The following ERG variants were observed in gnomAD, a reference collection of about 807,000 sequenced individuals.
The protein encoded by ERG is transcriptional regulator ERG.
Under a neutral mutation model 55.3 loss-of-function variants are expected in ERG, and 9 were observed. The ratio of observed to expected loss-of-function variants is 0.16; its 90% CI spans 0.10 to 0.28. The LOEUF is 0.28. ERG is among the 10% of genes least tolerant of loss of function. The probability of loss-of-function intolerance (pLI) is 1.00; values close to 1 mark genes in which losing one functional copy is unlikely to be tolerated. For missense variants in ERG, 434 were observed against 631.6 expected, an observed-to-expected ratio of 0.69 and a Z score of 3.35; for synonymous variants, 223 against 237.3, an observed-to-expected ratio of 0.94 and a Z score of 0.55.
chr21:38,450,979 G>A (rs2058936160), intron 1 of ERG: 2 of 445,028 alleles, frequency 4.5e-6, no homozygotes, highest in Admixed American at 4.9e-5. Context: ...CAGGGTTTGT[G>A]TCTGTGAATG....
At chr21:38,577,990 T>G (rs2060005269) in intron 1 of ERG, among the ~76,000 whole-genome samples, 1 of 152,100 alleles carries the variant, frequency 6.6e-6, no homozygotes, top group South Asian at 2.1e-4. Context: ...TTTATGGAAG[T>G]GGGAGCTTCC....
At chr21:38,469,002 G>A (rs58464065) in intron 1 of ERG, among the ~76,000 whole-genome samples, 12,125 of 60,134 alleles carry the variant, frequency 0.2, 883 homozygotes, top group Non-Finnish European at 0.32. Flanking sequence ...AAAAAAAAAA[G>A]AAAAAAAAAA....
intron 1 of ERG, among the ~76,000 whole-genome samples, chr21:38,630,067 A>C (rs538241617): frequency 1.3e-5 from 2 of 152,158 alleles, no homozygotes; most frequent in African/African-American, 4.8e-5. Context: ...GTTCACAGGG[A>C]CAGAAAGGAG....
upstream of ERG, among the ~76,000 whole-genome samples, chr21:38,586,042 T>C (rs1201486395): frequency 5.9e-5 from 9 of 151,998 alleles, no homozygotes; most frequent in East Asian, 1.5e-3. Context: ...TGGTTAACAG[T>C]CATGGTCTTT....
chr21:38,373,298 T>A, the ERG span, among the ~76,000 whole-genome samples: 1 of 152,248 alleles, frequency 6.6e-6, no homozygotes, highest in African/African-American at 2.4e-5. Context: ...GCTACTCTTC[T>A]TATTGTTTCC....
In ERG at chr21:38,397,490, C is replaced by A. The variant is rs149197414; in HGVS notation, c.745+3084G>T. Reference sequence around the variant, plus strand: ...GCATGCGCCTGTAGCCCCAGCTACTCGGGAGGCTGAGGCAGAAGAATCACT... The same window carrying A: ...GCATGCGCCTGTAGCCCCAGCTACTAGGGAGGCTGAGGCAGAAGAATCACT... On this transcript the variant is annotated intron_variant, in intron 6 of 9. Transcript: ENST00000288319. 6.2e-3 allele frequency among the ~76,000 whole-genome samples: 919 copies of A among 147,432 alleles called. 11 individuals carry two copies. Among genetic ancestry groups the A allele is most frequent in the African/African-American group, 0.022 (885 of 40,224 alleles).
intron 9 of ERG, among the ~76,000 whole-genome samples, chr21:38,384,126 G>C (rs764849358): frequency 6.6e-6 from 1 of 152,222 alleles, no homozygotes; most frequent in Non-Finnish European, 1.5e-5. Flanking sequence ...GCCCTTGCCT[G>C]AACAGAGCCG....
chr21:38,558,909 G>A (rs1023465110), intron 2 of ERG, among the ~76,000 whole-genome samples: 4 of 152,196 alleles, frequency 2.6e-5, no homozygotes, highest in African/African-American at 9.7e-5. Context: ...TCATCAAGGT[G>A]CAAGGAAATG....
At chr21:38,603,962 G>C (rs1419125834) in intron 1 of ERG, among the ~76,000 whole-genome samples, 1 of 151,580 alleles carries the variant, frequency 6.6e-6, no homozygotes, top group Non-Finnish European at 1.5e-5. Context: ...AAATGTACTA[G>C]TTTTGGCCGG....
Position 38,569,651 on chromosome 21 carries a change from C to T in ERG, c.-41+6011G>A, listed in dbSNP as rs147619266. 5.6e-3 allele frequency among the ~76,000 whole-genome samples: 849 copies of T among 152,240 alleles called. 13 individuals carry two copies. Among genetic ancestry groups the T allele is most frequent in the African/African-American group, 0.019 (801 of 41,522 alleles). On this transcript the variant is annotated intron_variant, in intron 2 of 8. Transcript: ENST00000398897. ...ACACCTTTGCAGGTACTCCCTAGTC[C>T]ACAACAGTCAGCCCCAGGACCTCAG...
intron 1 of ERG, among the ~76,000 whole-genome samples, chr21:38,656,442 C>T (rs145794370): frequency 6.6e-6 from 1 of 152,296 alleles, no homozygotes; most frequent in African/African-American, 2.4e-5. Flanking sequence ...TTCACAACAC[C>T]AGCTAATCTG....
In ERG at chr21:38,380,982, A is replaced by G. The variant is rs1987405502; in HGVS notation, c.*2421T>C. The G allele has an allele frequency of 9.4e-7, 1 of 1,064,762 alleles. No individual in the cohort carries two copies. The highest frequency in any genetic ancestry group is 1.1e-6 in the Non-Finnish European group (1 of 878,962). 66.0% of individuals were successfully genotyped at this position (1,064,762 alleles called of 1,614,324 possible). A position where few individuals can be genotyped will look rare whatever the true frequency, so the allele number is the denominator to read the frequency against. On this transcript the variant is annotated 3_prime_UTR_variant, in exon 10 of 10. Transcript: ENST00000288319. ...CACAGTTTGGGTCAGCCTAACTGCC[A>G]GCTTTCATGATTGTATTTATTTATT...
At chr21:38,485,461 CTTTTT>C (rs34211335) in intron 1 of ERG, among the ~76,000 whole-genome samples, 1 of 130,396 alleles carries the variant, frequency 7.7e-6, no homozygotes, top group Non-Finnish European at 1.6e-5. Flanking sequence ...AATATACAGT[CTTTTT>C]TTTTTTTTTT....
At chr21:38,529,940 T>C in intron 2 of ERG, among the ~76,000 whole-genome samples, 1 of 152,102 alleles carries the variant, frequency 6.6e-6, no homozygotes, top group African/African-American at 2.4e-5. Context: ...CACTCCAGCC[T>C]GGGTGACAAG....
intron 2 of ERG, among the ~76,000 whole-genome samples, chr21:38,545,815 C>T (rs1424846404): frequency 6.6e-6 from 1 of 152,214 alleles, no homozygotes; most frequent in African/African-American, 2.4e-5. Context: ...TCCCCTTGCC[C>T]AGTGGTCTTC....
intron 1 of ERG, among the ~76,000 whole-genome samples, chr21:38,447,457 A>G (rs2058902558): frequency 6.6e-6 from 1 of 150,786 alleles, no homozygotes; most frequent in African/African-American, 2.4e-5. Context: ...TTGAATAGAC[A>G]GCAAAATCAA....
intron 1 of ERG, among the ~76,000 whole-genome samples, chr21:38,658,010 T>C (rs1466236804): frequency 6.6e-6 from 1 of 152,236 alleles, no homozygotes; most frequent in Admixed American, 6.5e-5. Flanking sequence ...CTATTTTTCT[T>C]ACAAATGTTG....
chr21:38,528,465 TGA>T (rs1340761316), intron 2 of ERG, among the ~76,000 whole-genome samples: 1 of 33,200 alleles, frequency 3.0e-5, no homozygotes, highest in African/African-American at 8.6e-5. Context: ...TTTTTTTTTT[TGA>T]GACGGAGTCT....
chr21:38,398,551 C>T (rs1163874087), intron 6 of ERG, among the ~76,000 whole-genome samples: 1 of 152,146 alleles, frequency 6.6e-6, no homozygotes, highest in Non-Finnish European at 1.5e-5. Context: ...ATTATGGGCC[C>T]ATGGAAGACC....
Sources: allele counts gnomAD v4.1 joint callset (sites outside exome capture counted in the v4.1 genomes callset), GRCh38; gene constraint gnomAD v4.1.1; transcripts MANE v1.5; gene names NCBI Gene and HGNC (gene_info 2026-07-23, HGNC 2026-07-21).